Variants in FBXL13 observed in about 807,000 individuals in gnomAD.
FBXL13 encodes the protein F-box and leucine rich repeat protein 13.
Under a neutral mutation model 83.6 loss-of-function variants are expected in FBXL13, and 67 were observed. That is an observed-to-expected ratio of 0.80 (90% CI 0.66 to 0.98). The LOEUF (loss-of-function observed/expected upper bound fraction) is 0.98, where lower values mean the gene tolerates loss of function less well. FBXL13 is among the 50% of genes least tolerant of loss of function. The pLI is 0.00. For missense variants in FBXL13, 822 were observed against 866.5 expected (o/e 0.95, Z 0.64); for synonymous variants, 272 against 299.5 (o/e 0.91, Z 0.95).
At chr7:102,952,134 G>A (rs1245904650) in intron 8 of FBXL13, among the ~76,000 whole-genome samples, 4 of 152,124 alleles carry the variant, frequency 2.6e-5, no homozygotes, top group Non-Finnish European at 4.4e-5. Flanking sequence ...GCGGCACCTA[G>A]AGTCATCAAA....
chr7:102,859,056 C>T (rs903813170), intron 16 of FBXL13, among the ~76,000 whole-genome samples: 8 of 152,124 alleles, frequency 5.3e-5, no homozygotes, highest in African/African-American at 1.9e-4. Context: ...TGTATAAGTA[C>T]ATAAAACTCA....
At chr7:102,911,353 A>G (rs574613351) in intron 11 of FBXL13, among the ~76,000 whole-genome samples, 9 of 152,202 alleles carry the variant, frequency 5.9e-5, no homozygotes, top group Non-Finnish European at 1.3e-4. Flanking sequence ...GGTAAGTCAT[A>G]CCATGAGGAG....
At chr7:102,957,542 A>C (rs952072187) in intron 8 of FBXL13, among the ~76,000 whole-genome samples, 8 of 152,202 alleles carry the variant, frequency 5.3e-5, no homozygotes, top group African/African-American at 1.2e-4. Context: ...AATGGGATCT[A>C]ATCAAACTAA....
Position 103,019,473 on chromosome 7 carries a change from C to A in FBXL13, c.495+5590G>T, listed in dbSNP as rs570254794. Among the ~76,000 whole-genome samples, 708 of 152,254 alleles carry A rather than the reference C, an allele frequency of 4.7e-3. 7 individuals are homozygous for A. Among genetic ancestry groups the A allele is most frequent in the African/African-American group, 0.016 (677 of 41,532 alleles). ...GCAGAAGGCAAGAAATAACTAAGAT[C>A]AGAGCAGAACTGAAGGAGATAGAGA... On this transcript the variant is annotated intron_variant, in intron 6 of 19. Transcript: ENST00000313221.
intron 16 of FBXL13, among the ~76,000 whole-genome samples, chr7:102,870,884 C>T (rs564645898): frequency 6.6e-6 from 1 of 152,224 alleles, no homozygotes; most frequent in East Asian, 1.9e-4. Flanking sequence ...CCACTGCATT[C>T]TAGCTTGGGG....
At chr7:102,999,575 C>T (rs1790176154) in intron 6 of FBXL13, among the ~76,000 whole-genome samples, 1 of 152,154 alleles carries the variant, frequency 6.6e-6, no homozygotes, top group East Asian at 1.9e-4. Flanking sequence ...CTTTATATTA[C>T]TGCTTTAATC....
chr7:102,915,070 C>T (rs978743768), intron 10 of FBXL13, among the ~76,000 whole-genome samples: 1 of 152,056 alleles, frequency 6.6e-6, no homozygotes, highest in Non-Finnish European at 1.5e-5. Flanking sequence ...TTACTGCAAC[C>T]TCCCTAATCT....
At chr7:102,814,281 C>G (rs920831126) in intron 19 of FBXL13, 1 of 152,134 alleles carries the variant, frequency 6.6e-6, no homozygotes. Context: ...AAATGAGTAA[C>G]TATGATGTTT....
rs137957102 is a variant in FBXL13 at position 102,893,847 on chromosome 7, G to A, written c.1009-9535C>T. On this transcript the variant is annotated intron_variant, in intron 11 of 19. Transcript: ENST00000313221. ...GGGAGAAGAAGGGGAAGGGAAAGGCGAAGGGAGAGAAGAGAGGCGGAGAGG... is the reference window on the plus strand; with the variant it reads ...GGGAGAAGAAGGGGAAGGGAAAGGCAAAGGGAGAGAAGAGAGGCGGAGAGG... 3.6e-3 allele frequency among the ~76,000 whole-genome samples: 530 copies of A among 148,886 alleles called. 5 individuals carry two copies. Among genetic ancestry groups the A allele is most frequent in the African/African-American group, 0.013 (516 of 40,508 alleles).
intron 8 of FBXL13, among the ~76,000 whole-genome samples, chr7:102,948,699 G>A (rs1822932124): frequency 6.6e-6 from 1 of 151,486 alleles, no homozygotes; most frequent in African/African-American, 2.4e-5. Context: ...TGGGATTACA[G>A]GTGTGAGCCA....
chr7:102,956,885 G>A (rs1021474784), intron 8 of FBXL13, among the ~76,000 whole-genome samples: 15 of 151,978 alleles, frequency 9.9e-5, no homozygotes, highest in Non-Finnish European at 7.4e-5. Context: ...CAATAAAAGA[G>A]GACACAAACA....
intron 11 of FBXL13, 172 bp downstream of exon 12, chr7:102,912,914 T>C: frequency 1.3e-6 from 1 of 782,712 alleles, no homozygotes; most frequent in Non-Finnish European, 2.0e-6. Flanking sequence ...GCCAAGAGCC[T>C]ATAATAGCGA....
intron 2 of FBXL13, among the ~76,000 whole-genome samples, chr7:103,030,535 A>G (rs919314433): frequency 6.6e-6 from 1 of 152,130 alleles, no homozygotes; most frequent in African/African-American, 2.4e-5. Flanking sequence ...TAACATTACA[A>G]TTTTTCAGTA....
chr7:103,025,866 T>G (rs2129488268), intron 5 of FBXL13, among the ~76,000 whole-genome samples: 1 of 151,834 alleles, frequency 6.6e-6, no homozygotes, highest in East Asian at 1.9e-4. Flanking sequence ...AGGTGTTCCC[T>G]GCCTCTGCTC....
intron 6 of FBXL13, among the ~76,000 whole-genome samples, chr7:102,987,069 G>T (rs916707473): frequency 6.6e-6 from 1 of 152,088 alleles, no homozygotes. Context: ...ACCAAATACT[G>T]TATGTTCTCA....
At chr7:103,054,760 A>G (rs1797175512) in intron 2 of FBXL13, among the ~76,000 whole-genome samples, 1 of 152,240 alleles carries the variant, frequency 6.6e-6, no homozygotes, top group Non-Finnish European at 1.5e-5. Flanking sequence ...ATCCTCTTGT[A>G]AAGCTTTCCA....
At chr7:102,974,969 C>T (rs75924751) in intron 6 of FBXL13, among the ~76,000 whole-genome samples, 2,517 of 152,280 alleles carry the variant, frequency 0.017, 108 homozygotes, top group East Asian at 0.16. Context: ...TCACTGCCCT[C>T]TCCTGAAGCC....
intron 6 of FBXL13, among the ~76,000 whole-genome samples, chr7:103,005,254 G>A (rs1210130632): frequency 6.6e-6 from 1 of 152,160 alleles, no homozygotes; most frequent in Non-Finnish European, 1.5e-5. Context: ...AACAGAAAAG[G>A]AAGCAAAAGT....
At chr7:102,924,036 T>C (rs1177816150) in intron 10 of FBXL13, among the ~76,000 whole-genome samples, 1 of 151,912 alleles carries the variant, frequency 6.6e-6, no homozygotes, top group Admixed American at 6.6e-5. Flanking sequence ...GGTCAGGAGT[T>C]TGAGGCCAGC....
Sources: gnomAD v4.1 joint callset for allele counts (sites outside exome capture counted in the v4.1 genomes callset) on GRCh38, gnomAD v4.1.1 for gene constraint, MANE v1.5 for transcripts, NCBI Gene and HGNC (gene_info 2026-07-23, HGNC 2026-07-21) for gene names.